The following KMT2D variants were observed in gnomAD, a reference collection of about 807,000 sequenced individuals.
KMT2D encodes the protein histone-lysine N-methyltransferase 2D.
A neutral mutation model predicts 512.7 loss-of-function variants in KMT2D; 55 were observed. The observed-to-expected ratio is 0.11, with a 90% confidence interval of 0.09 to 0.13. The LOEUF (loss-of-function observed/expected upper bound fraction) is 0.13, where lower values mean the gene tolerates loss of function less well. Among genes scored for constraint, KMT2D ranks in the 10% least tolerant of loss-of-function variants. The pLI, the probability that KMT2D is intolerant of heterozygous loss-of-function variation, is 1.00. For synonymous variants in KMT2D, 2,995 were observed against 2,904.0 expected (o/e 1.03, Z -1.01); for missense variants, 6,061 against 7,127.9 (o/e 0.85, Z 5.39).
In KMT2D at chr12:49,050,667, G is replaced by A. The variant is rs2120655040; in HGVS notation, c.2921C>T (p.Ala974Val). The change falls in exon 12 of 55, where the codon GCT becomes GTT. Residue 974 changes from alanine (A) to valine (V), a missense_variant. Physicochemically the swap from Ala to Val is moderately conservative, Grantham distance 64. Around this residue, in one of 16 missense-constraint regions of KMT2D, gnomAD observed 848 missense variants for 838.5 expected, o/e 1.01. Transcript: ENST00000301067. ...GATGGGTGTCTCCAGGATGGGGGCA[G>A]CCAACGGTGACTCAGGGTCACTGTC... ...KGDSDPESPL[A>V]APILETPISP... 1 of 1,613,548 alleles carries A rather than the reference G, an allele frequency of 6.2e-7. No homozygotes were observed.
At chr12:49,058,828 A>G (rs1385956281) in intron 1 of KMT2D, among the ~76,000 whole-genome samples, 1 of 152,150 alleles carries the variant, frequency 6.6e-6, no homozygotes, top group Non-Finnish European at 1.5e-5. Flanking sequence ...AAAAGACAAA[A>G]GCCATTTTTT....
rs770692765 is a variant in KMT2D at position 49,041,162 on chromosome 12, G to A, written c.6608C>T (p.Thr2203Met). 54 of 1,521,340 alleles carry A rather than the reference G, an allele frequency of 3.5e-5. No individual in the cohort carries two copies. The Middle Eastern group carries it at 5.3e-4, about 15-fold the overall frequency. The allele number at this position is 1,521,340 out of a possible 1,614,324, so 94.2% of individuals were successfully genotyped here. ...CATCGGGGGCTGCGCAGGGGCCCCC[G>A]TAGGACTAGGATAGGGGGGATAGGT... is the stretch of plus-strand genomic sequence containing the variant. ...PPTYPPYPSP[T>M]GAPAQPPMLG... is the part of the protein sequence containing the mutation. The change falls in exon 32 of 55, where the codon ACG becomes ATG. Residue 2203 changes from threonine (T) to methionine (M), a missense_variant. Thr to Met is a moderately conservative substitution (Grantham distance 81). Coordinates refer to ENST00000301067, the MANE Select transcript of KMT2D (RefSeq NM_003482.4). The surrounding 1 kb of genome is among the most constrained non-coding windows in gnomAD (Gnocchi z 5.4).
In KMT2D at chr12:49,031,561, T is replaced by C. The variant is rs747777039; in HGVS notation, c.13144A>G (p.Asn4382Asp). 1.9e-6 allele frequency: 3 copies of C among 1,602,452 alleles called. No individual in the cohort carries two copies. Among genetic ancestry groups the C allele is most frequent in the South Asian group, 1.1e-5 (1 of 89,466 alleles). Residue 4382 changes from asparagine (N) to aspartate (D), a missense_variant, in exon 40 of 55, where the codon AAC becomes GAC. By Grantham distance (23) the Asn-to-Asp change is conservative. Around this residue, in one of 16 missense-constraint regions of KMT2D, gnomAD observed 1,600 missense variants for 1,754.9 expected, o/e 0.91. Transcript: ENST00000301067. ...KGLGPWDPPD[N>D]LAETQKPEQS... ...TCTGGCTTCTGGGTTTCTGCTAGGT[T>C]GTCTGGGGGATCCCAAGGTCCCAGA...
In KMT2D at chr12:49,053,647, G is replaced by C. The variant is rs2120699387; in HGVS notation, c.674-6C>G. The stretch of plus-strand genomic sequence containing the variant: ...CACTGCACAGCGAGCCTCCTCTGCA[G>C]GGGGTAGAGACACCACAGGTCAGCT... On this transcript the variant is annotated splice_polypyrimidine_tract_variant and splice_region_variant and intron_variant, in intron 6 of 54. Coordinates refer to ENST00000301067, the MANE Select transcript of KMT2D (RefSeq NM_003482.4). 1.3e-6 allele frequency: 2 copies of C among 1,588,756 alleles called. No individual in the cohort carries two copies. The highest frequency in any genetic ancestry group is 1.7e-6 in the Non-Finnish European group (2 of 1,167,886).
At chr12:49,058,588 A>G (rs932864742) in intron 1 of KMT2D, among the ~76,000 whole-genome samples, 34 of 152,134 alleles carry the variant, frequency 2.2e-4, no homozygotes, top group Admixed American at 1.9e-3. Flanking sequence ...TTTCTCCCCA[A>G]TACCTTCTGC....
chr12:49,053,625 T>G lies in KMT2D; in HGVS notation c.690A>C (p.Ala230=), dbSNP rs752905665. The part of the protein sequence containing the change: ...GAAYLEEARC[A]VCEGPGELCD... ...ACAACTCCCCTGGCCCCTCACACAC[T>G]GCACAGCGAGCCTCCTCTGCAGGGG... Residue 230 remains alanine (A), a synonymous_variant, in exon 7 of 55, where the codon GCA becomes GCC. Transcript: ENST00000301067. The G allele has an allele frequency of 6.3e-7, 1 of 1,595,358 alleles. No individual in the cohort carries two copies. The highest frequency in any genetic ancestry group is 2.3e-5 in the East Asian group (1 of 43,798).
At chr12:49,049,072 G>A (rs747082882) in intron 13 of KMT2D, 33 bp downstream of exon 13, 1 of 1,354,194 alleles carries the variant, frequency 7.4e-7, no homozygotes, top group South Asian at 1.2e-5. Flanking sequence ...AAGCATGGTT[G>A]GGGGATGGGA....
rs1434492592 is a variant in KMT2D at position 49,024,345 on chromosome 12, C to CA, written c.16052+232dup. The stretch of plus-strand genomic sequence containing the variant: ...TTCACCAGTTTACCCATTACCTCCC[C>CA]AGGGTGCCCAAGATAATTCTGTCCT... On this transcript the variant is annotated intron_variant, in intron 51 of 54. Coordinates refer to ENST00000301067, the MANE Select transcript of KMT2D (RefSeq NM_003482.4). The surrounding 1 kb of genome is among the most constrained non-coding windows in gnomAD (Gnocchi z 4.5). Among the ~76,000 whole-genome samples the CA allele has an allele frequency of 1.3e-5, 2 of 152,150 alleles. No homozygotes were observed. The highest frequency in any genetic ancestry group is 2.4e-5 in the African/African-American group (1 of 41,420).
In KMT2D at chr12:49,052,554, C is replaced by A; in HGVS notation, c.1258+10G>T. On this transcript the variant is annotated intron_variant, in intron 10 of 54. Coordinates refer to ENST00000301067, the MANE Select transcript of KMT2D (RefSeq NM_003482.4). ...GGGATGAATTTCAGGGACCCTCAAA[C>A]CCTACTCACCTAGTGGTTTGGCTTC... The A allele has an allele frequency of 1.2e-6, 2 of 1,612,148 alleles. No individual in the cohort carries two copies. Among genetic ancestry groups the A allele is most frequent in the Non-Finnish European group, 1.7e-6 (2 of 1,178,824 alleles).
At chr12:49,048,580 G>A (rs1161373137) in intron 14 of KMT2D, 79 bp downstream of exon 14, 1 of 896,136 alleles carries the variant, frequency 1.1e-6, no homozygotes, top group African/African-American at 1.6e-5. Context: ...CCCCAAAGTA[G>A]GTCCAGTTTT....
intron 46 of KMT2D, 109 bp from the exon 47 acceptor site, chr12:49,028,250 T>G (rs117856947): frequency 0.027 from 36,475 of 1,348,642 alleles, 645 homozygotes; most frequent in Non-Finnish European, 0.033. Flanking sequence ...CTCCCCAGGG[T>G]AGTTCTATCC....
Position 49,040,644 on chromosome 12 carries a change from C to T in KMT2D, c.7126G>A (p.Asp2376Asn), listed in dbSNP as rs2120532026. Residue 2376 changes from aspartate (D) to asparagine (N), a missense_variant, in exon 32 of 55, where the codon GAC (aspartate) becomes AAC (asparagine). Asp to Asn is a conservative substitution (Grantham distance 23). This residue lies in a region of KMT2D where 710 missense variants were observed against 647.3 expected (regional missense o/e 1.10). Coordinates refer to ENST00000301067, the MANE Select transcript of KMT2D (RefSeq NM_003482.4). ...PDIFRPGSYT[D>N]PYAQPPLTPR... ...GTCAATGGGGGCTGAGCATATGGGT[C>T]AGTGTAGGAGCCAGGGCGAAAGATG... 6.2e-7 allele frequency: 1 copy of T among 1,613,582 alleles called. No homozygotes were observed. The highest frequency in any genetic ancestry group is 8.5e-7 in the Non-Finnish European group (1 of 1,179,766).
At chr12:49,036,338 G>A (rs1943214954) in intron 35 of KMT2D, among the ~76,000 whole-genome samples, 1 of 148,430 alleles carries the variant, frequency 6.7e-6, no homozygotes, top group African/African-American at 2.5e-5. Flanking sequence ...TTAAGACAGA[G>A]TCTCGCTCTG....
Position 49,029,365 on chromosome 12 carries a change from C to T in KMT2D, c.14075+36G>A, listed in dbSNP as rs1333026727. On this transcript the variant is annotated intron_variant, in intron 44 of 54. Transcript: ENST00000301067. ...AATATGAGGCAACCTGTACCCCACC[C>T]TTGTTCCTCATCCCCATTTCTGGCC... 3.9e-6 allele frequency: 6 copies of T among 1,557,028 alleles called. No homozygotes were observed. In the Admixed American group the frequency reaches 1.2e-4, roughly 30 times the overall value.
In KMT2D at chr12:49,050,598, G is replaced by T. The variant is rs748754561; in HGVS notation, c.2990C>A (p.Pro997His). The T allele has an allele frequency of 6.2e-7, 1 of 1,608,164 alleles. No individual in the cohort carries two copies. The highest frequency in any genetic ancestry group is 2.2e-5 in the East Asian group (1 of 44,680). ...TGGAGATGGGGGAAGGATCATAGGG[G>T]GGACAGGCTCAGGGTCAGTGCAGTT... ...EANCTDPEPV[P>H]PMILPPSPGS... is the part of the protein sequence containing the mutation. The change falls in exon 12 of 55, where the codon CCC (proline) becomes CAC (histidine). Residue 997 changes from proline to histidine, a missense_variant. Pro to His is a moderately conservative substitution (Grantham distance 77). Transcript: ENST00000301067.
rs774358086 is a variant in KMT2D, at chr12:49,040,391, C to T, written c.7379G>A (p.Arg2460His). 1.8e-5 allele frequency: 28 copies of T among 1,565,124 alleles called. No individual in the cohort carries two copies. The highest frequency in any genetic ancestry group is 1.7e-4 in the Middle Eastern group (1 of 5,832). The change falls in exon 32 of 55, where the codon CGT (arginine) becomes CAT (histidine). Residue 2460 changes from arginine (R) to histidine (H), a missense_variant. Arg to His is a conservative substitution (Grantham distance 29). Coordinates refer to ENST00000301067, the MANE Select transcript of KMT2D (RefSeq NM_003482.4). ...CTTATGCAATGGGGCAAATGGGTCA[C>T]GGGACTGAGGGCGTGAGGGTGGGCG... ...YSRPPSRPQS[R>H]DPFAPLHKPP...
At position 49,050,867 on chromosome 12, in the gene KMT2D, A is replaced by C. The variant is rs1243959169; in HGVS notation, c.2797+19T>G. The stretch of plus-strand genomic sequence containing the variant: ...AGTTACAGCTGTTCCAGAATAACAG[A>C]GTACTAACATCCCCTTACCTGGTGG... On this transcript the variant is annotated intron_variant, in intron 11 of 54. Transcript: ENST00000301067. 1 of 1,544,786 alleles carries C rather than the reference A, an allele frequency of 6.5e-7. No individual in the cohort carries two copies. Among genetic ancestry groups the C allele is most frequent in the East Asian group, 2.3e-5 (1 of 44,114 alleles).
rs1943411275 is a variant in KMT2D at position 49,039,860 on chromosome 12, C to A, written c.7910G>T (p.Gly2637Val). ...TCGCTTTTCGACAGGAGAGGTGATG[C>A]CTGATCGCTGTGAGGCTCCATGGGA... Reference protein sequence around the residue: ...YLSHGASQRSGITSPVEKRED... With the variant: ...YLSHGASQRSVITSPVEKRED... The change falls in exon 32 of 55, where the codon GGC (glycine) becomes GTC (valine). Residue 2637 changes from glycine (G) to valine (V), a missense_variant. By Grantham distance (109) the Gly-to-Val change is moderately radical (BLOSUM62 -3). Transcript: ENST00000301067. The surrounding 1 kb of genome is among the most constrained non-coding windows in gnomAD (Gnocchi z 5.0). The A allele has an allele frequency of 2.5e-6, 4 of 1,614,042 alleles. No individual in the cohort carries two copies. Among genetic ancestry groups the A allele is most frequent in the Non-Finnish European group, 3.4e-6 (4 of 1,179,904 alleles).
At position 49,037,105 on chromosome 12, in the gene KMT2D, A is replaced by G. The variant is rs771704686; in HGVS notation, c.10231+20T>C. ...AATAATCACCCTGAGTAACTTGGCT[A>G]TGTTACCAGCTGAGGTTACCTGTAT... On this transcript the variant is annotated intron_variant, in intron 35 of 54. Transcript: ENST00000301067. 6.5e-7 allele frequency: 1 copy of G among 1,541,694 alleles called. No homozygotes were observed. Among genetic ancestry groups the G allele is most frequent in the Non-Finnish European group, 8.8e-7 (1 of 1,139,798 alleles).
Sources: allele counts gnomAD v4.1 joint callset (sites outside exome capture counted in the v4.1 genomes callset), GRCh38; gene constraint gnomAD v4.1.1; regional missense constraint gnomAD v4.1.1; non-coding constraint Gnocchi (gnomAD v3.1); transcripts MANE v1.5; gene names NCBI Gene and HGNC (gene_info 2026-07-23, HGNC 2026-07-21).